Variants in CNTN1 observed in about 807,000 individuals in gnomAD.
The protein encoded by CNTN1 is contactin 1.
Under a neutral mutation model 126.4 loss-of-function variants are expected in CNTN1, and 38 were observed. The ratio of observed to expected loss-of-function variants is 0.30; its 90% CI spans 0.23 to 0.39. The LOEUF is 0.39. CNTN1 is among the 10% of genes least tolerant of loss of function. CNTN1 has a pLI of 1.00. For synonymous variants in CNTN1, 413 were observed against 422.6 expected (o/e 0.98, Z 0.28); for missense variants, 1,009 against 1,248.4 (o/e 0.81, Z 2.89).
rs186947641 is a variant in CNTN1 at position 40,758,958 on chromosome 12, G to A, written c.-77+66366G>A. 7.2e-5 allele frequency among the ~76,000 whole-genome samples: 11 copies of A among 152,046 alleles called. No homozygotes were observed. In the East Asian group the frequency reaches 2.1e-3, roughly 29 times the overall value. On this transcript the variant is annotated intron_variant, in intron 1 of 23. Coordinates refer to ENST00000551295, the MANE Select transcript of CNTN1 (RefSeq NM_001843.4). The stretch of plus-strand genomic sequence containing the variant: ...TCACTCTTGTTGCCCAGGCTGGAGT[G>A]CAATGGCCCGACCTCAGCTCACTGC...
At chr12:40,951,442 GT>G (rs2136979965) in intron 14 of CNTN1, among the ~76,000 whole-genome samples, 1 of 152,054 alleles carries the variant, frequency 6.6e-6, no homozygotes, top group Non-Finnish European at 1.5e-5. Context: ...TTTTATTTAT[GT>G]TTTTGACTCA....
intron 23 of CNTN1, among the ~76,000 whole-genome samples, chr12:41,050,869 G>A (rs1276136603): frequency 1.3e-5 from 2 of 152,022 alleles, no homozygotes; most frequent in Admixed American, 6.6e-5. Flanking sequence ...ATTTTTCCAA[G>A]TGTTACCACT....
chr12:40,723,223 A>G (rs563457819), intron 1 of CNTN1, among the ~76,000 whole-genome samples: 12 of 152,326 alleles, frequency 7.9e-5, no homozygotes, highest in South Asian at 6.2e-4. Context: ...GTGGAATTCC[A>G]CATAATTAAT....
chr12:40,819,776 G>A (rs1451138947), intron 1 of CNTN1, among the ~76,000 whole-genome samples: 1 of 152,150 alleles, frequency 6.6e-6, no homozygotes, highest in Admixed American at 6.5e-5. Context: ...TCTGGGATTG[G>A]GACACTAGGC....
intron 1 of CNTN1, among the ~76,000 whole-genome samples, chr12:40,702,710 G>T (rs7971040): frequency 3.5e-4 from 53 of 152,236 alleles, no homozygotes; most frequent in African/African-American, 1.2e-3. Context: ...TGCTGGAATT[G>T]CAGGCATGAG....
chr12:40,909,289 C>A (rs1039961639), intron 2 of CNTN1, among the ~76,000 whole-genome samples: 2 of 151,992 alleles, frequency 1.3e-5, no homozygotes, highest in African/African-American at 2.4e-5. Flanking sequence ...ATGAGAAGCA[C>A]ATCATATCTT....
intron 1 of CNTN1, among the ~76,000 whole-genome samples, chr12:40,740,299 A>G (rs1489113352): frequency 6.6e-6 from 1 of 152,096 alleles, no homozygotes; most frequent in African/African-American, 2.4e-5. Flanking sequence ...TTACCCCAGT[A>G]TATTTTAAAA....
intron 14 of CNTN1, among the ~76,000 whole-genome samples, chr12:40,944,503 T>C (rs1946370148): frequency 6.6e-6 from 1 of 152,048 alleles, no homozygotes; most frequent in South Asian, 2.1e-4. Flanking sequence ...TTACTTTAAA[T>C]GAAGAGCATA....
At chr12:40,702,713 G>A (rs992421409) in intron 1 of CNTN1, among the ~76,000 whole-genome samples, 1 of 152,186 alleles carries the variant, frequency 6.6e-6, no homozygotes, top group African/African-American at 2.4e-5. Context: ...TGGAATTGCA[G>A]GCATGAGACA....
At chr12:40,952,778 A>G (rs1946735596) in intron 14 of CNTN1, among the ~76,000 whole-genome samples, 1 of 152,168 alleles carries the variant, frequency 6.6e-6, no homozygotes. Context: ...TATTTGCTAT[A>G]GTATTTTTGC....
intron 1 of CNTN1, among the ~76,000 whole-genome samples, chr12:40,833,708 T>C (rs1358553998): frequency 6.6e-6 from 1 of 152,212 alleles, no homozygotes; most frequent in East Asian, 1.9e-4. Flanking sequence ...GTATATCCTC[T>C]AGAAATGTGA....
chr12:40,717,738 G>A (rs1038737399), intron 1 of CNTN1, among the ~76,000 whole-genome samples: 8 of 152,078 alleles, frequency 5.3e-5, no homozygotes, highest in South Asian at 2.1e-4. Flanking sequence ...TTAGAATTGC[G>A]GGCACCACTG....
Position 41,002,554 on chromosome 12 carries a change from C to CTTTTTTTTTTTTTTTTTTTTTT in CNTN1, c.2113+9288_2113+9289insTTTTTTTTTTTTTTTTTTTTTT, listed in dbSNP as rs200237008. 3.0e-5 allele frequency among the ~76,000 whole-genome samples: 4 copies of CTTTTTTTTTTTTTTTTTTTTTT among 131,514 alleles called. 1 individual carries two copies. The highest frequency in any genetic ancestry group is 1.6e-5 in the Non-Finnish European group (1 of 63,130). The allele number at this position is 131,514 out of a possible 152,430, so 86.3% of individuals were successfully genotyped here. On this transcript the variant is annotated intron_variant, in intron 17 of 23. Coordinates refer to ENST00000551295, the MANE Select transcript of CNTN1 (RefSeq NM_001843.4). ...CTTTTGGGCTGAGACTATAGGGTTT[C>CTTTTTTTTTTTTTTTTTTTTTT]TTTCTTTTTTTTTTTTTTTTTGAGA...
chr12:41,013,133 G>C (rs1387228732), intron 17 of CNTN1, among the ~76,000 whole-genome samples: 1 of 152,166 alleles, frequency 6.6e-6, no homozygotes, highest in Non-Finnish European at 1.5e-5. Context: ...AGATTGGTTT[G>C]ATCAGGTATG....
At chr12:40,976,790 C>G (rs190476508) in intron 15 of CNTN1, among the ~76,000 whole-genome samples, 1 of 152,228 alleles carries the variant, frequency 6.6e-6, no homozygotes, top group East Asian at 1.9e-4. Flanking sequence ...CAGGGCTGGC[C>G]CTGGGTTGAA....
chr12:40,795,590 C>T (rs1232843084), intron 1 of CNTN1, among the ~76,000 whole-genome samples: 1 of 152,006 alleles, frequency 6.6e-6, no homozygotes, highest in African/African-American at 2.4e-5. Context: ...CACACACACA[C>T]ACACATATAA....
chr12:40,794,474 T>C (rs996757931), intron 1 of CNTN1, among the ~76,000 whole-genome samples: 72 of 152,040 alleles, frequency 4.7e-4, no homozygotes, highest in African/African-American at 1.7e-3. Context: ...AGGAAATATA[T>C]AATTTAAATG....
At chr12:40,748,044 A>ATTT (rs1354057088) in intron 1 of CNTN1, among the ~76,000 whole-genome samples, 1 of 152,156 alleles carries the variant, frequency 6.6e-6, no homozygotes, top group Non-Finnish European at 1.5e-5. Context: ...AGGCAGTCGT[A>ATTT]TTAAATGCAA....
At chr12:40,859,274 C>T (rs1287302594) in intron 1 of CNTN1, among the ~76,000 whole-genome samples, 1 of 151,976 alleles carries the variant, frequency 6.6e-6, no homozygotes, top group Non-Finnish European at 1.5e-5. Flanking sequence ...AAGGCGAGAA[C>T]AGAATTGAGA....
Sources: gnomAD v4.1 joint callset for allele counts (sites outside exome capture counted in the v4.1 genomes callset) on GRCh38, gnomAD v4.1.1 for gene constraint, MANE v1.5 for transcripts, NCBI Gene and HGNC (gene_info 2026-07-23, HGNC 2026-07-21) for gene names.